TLE1: variants seen among roughly 807,000 people sequenced by gnomAD.
TLE1 encodes transducin-like enhancer protein 1.
TLE1 carries 21 observed loss-of-function variants against 89.8 expected under a neutral mutation model. The ratio of observed to expected loss-of-function variants is 0.23; its 90% CI spans 0.17 to 0.34. The LOEUF is 0.34. TLE1 is among the 10% of genes least tolerant of loss of function. The probability of loss-of-function intolerance (pLI) is 1.00; values close to 1 mark genes in which losing one functional copy is unlikely to be tolerated. For synonymous variants in TLE1, 447 were observed against 407.6 expected (o/e 1.10, Z -1.16); for missense variants, 795 against 1,031.2 (o/e 0.77, Z 3.14).
chr9:81,659,113 T>C (rs1337053307), intron 4 of TLE1, among the ~76,000 whole-genome samples: 1 of 152,098 alleles, frequency 6.6e-6, no homozygotes, highest in Non-Finnish European at 1.5e-5. Context: ...TTCACCATGT[T>C]GGCCAGGATG....
intron 11 of TLE1, among the ~76,000 whole-genome samples, chr9:81,614,926 G>T (rs557580836): frequency 6.6e-6 from 1 of 151,310 alleles, no homozygotes; most frequent in Non-Finnish European, 1.5e-5. Flanking sequence ...CAGGTGCGGT[G>T]GCTCACACCT....
chr9:81,645,224 T>G (rs1480843870), intron 6 of TLE1, among the ~76,000 whole-genome samples: 1 of 150,620 alleles, frequency 6.6e-6, no homozygotes, highest in East Asian at 2.0e-4. Context: ...CCAGGCATGG[T>G]GGCGCATGTC....
chr9:81,686,687 G>A (rs1001469809), intron 2 of TLE1, among the ~76,000 whole-genome samples: 3 of 152,180 alleles, frequency 2.0e-5, no homozygotes, highest in Non-Finnish European at 2.9e-5. Flanking sequence ...TATTGGCAAA[G>A]TATTTTACAA....
chr9:81,669,553 C>A (rs1440819592), intron 4 of TLE1, among the ~76,000 whole-genome samples: 1 of 152,130 alleles, frequency 6.6e-6, no homozygotes, highest in Non-Finnish European at 1.5e-5. Flanking sequence ...AGTGTAGGGG[C>A]ATGTGCCAAA....
At chr9:81,641,925 G>A (rs540210803) in intron 6 of TLE1, among the ~76,000 whole-genome samples, 79 of 152,310 alleles carry the variant, frequency 5.2e-4, no homozygotes, top group African/African-American at 1.7e-3. Context: ...AGGAGGTTGA[G>A]GCAGGAGAAT....
At chr9:81,651,468 AG>A (rs1829521735) in intron 6 of TLE1, among the ~76,000 whole-genome samples, 1 of 152,174 alleles carries the variant, frequency 6.6e-6, no homozygotes, top group Admixed American at 6.5e-5. Flanking sequence ...TCAAGAGAGG[AG>A]AGCAGAACCC....
Position 81,595,814 on chromosome 9 carries a change from CAAAA to C in TLE1, c.1332-2544_1332-2541del, listed in dbSNP as rs11301991. Among the ~76,000 whole-genome samples, 267 of 106,652 alleles carry C rather than the reference CAAAA, an allele frequency of 2.5e-3. 2 individuals are homozygous for C. Among genetic ancestry groups the C allele is most frequent in the African/African-American group, 9.1e-3 (252 of 27,690 alleles). 70.0% of individuals were successfully genotyped at this position (106,652 alleles called of 152,430 possible). On this transcript the variant is annotated intron_variant, in intron 14 of 19. Coordinates refer to ENST00000376499, the MANE Select transcript of TLE1 (RefSeq NM_005077.5). Reference sequence around the variant, plus strand: ...AGCCTGGGCGACAGAGACTCTGTCTCAAAAAAAAAAAAAAAAAAATTAAAAAATA... The same window carrying C: ...AGCCTGGGCGACAGAGACTCTGTCTCAAAAAAAAAAAAAAATTAAAAAATA...
intron 4 of TLE1, among the ~76,000 whole-genome samples, chr9:81,659,622 C>CT (rs763113408): frequency 4.1e-4 from 62 of 152,282 alleles, no homozygotes; most frequent in Middle Eastern, 6.8e-3. Context: ...AATTACCTGT[C>CT]TACAACAGTC....
chr9:81,603,481 G>A (rs962859637), intron 14 of TLE1, among the ~76,000 whole-genome samples: 1 of 152,094 alleles, frequency 6.6e-6, no homozygotes, highest in African/African-American at 2.4e-5. Context: ...TTTCCCACGA[G>A]AAAGGTGCCC....
intron 18 of TLE1, among the ~76,000 whole-genome samples, chr9:81,585,002 C>CCA (rs1828169947): frequency 3.3e-5 from 5 of 152,008 alleles, no homozygotes; most frequent in African/African-American, 7.3e-5. Flanking sequence ...ATCCATCCAT[C>CCA]TATGCATACT....
chr9:81,652,892 G>T (rs571583278), intron 5 of TLE1, among the ~76,000 whole-genome samples: 2 of 152,176 alleles, frequency 1.3e-5, no homozygotes, highest in African/African-American at 4.8e-5. Flanking sequence ...GTCATTTTCG[G>T]AAACTCCTGG....
intron 4 of TLE1, among the ~76,000 whole-genome samples, chr9:81,672,657 T>TCCCTC (rs1470052129): frequency 6.6e-6 from 1 of 152,072 alleles, no homozygotes; most frequent in East Asian, 1.9e-4. Flanking sequence ...GGTGTACATA[T>TCCCTC]CCCTCATCAA....
chr9:81,619,830 G>C (rs1305844560), intron 9 of TLE1, among the ~76,000 whole-genome samples: 2 of 152,174 alleles, frequency 1.3e-5, no homozygotes, highest in Non-Finnish European at 2.9e-5. Flanking sequence ...CCATCAACCA[G>C]TAGAGTGATC....
intron 4 of TLE1, among the ~76,000 whole-genome samples, chr9:81,658,013 G>A (rs551559103): frequency 7.8e-4 from 117 of 150,630 alleles, no homozygotes; most frequent in African/African-American, 2.5e-3. Context: ...GGGTTCTAAG[G>A]AACTCTCCTG....
At chr9:81,631,599 A>G (rs1298606474) in intron 8 of TLE1, among the ~76,000 whole-genome samples, 4 of 152,240 alleles carry the variant, frequency 2.6e-5, no homozygotes, top group East Asian at 3.8e-4. Flanking sequence ...AATGCCTTAC[A>G]TATATGGTAT....
chr9:81,663,610 G>A (rs937954236), intron 4 of TLE1, among the ~76,000 whole-genome samples: 4 of 150,062 alleles, frequency 2.7e-5, no homozygotes, highest in East Asian at 2.0e-4. Flanking sequence ...AGAGGTATCC[G>A]CACAGAATAG....
intron 6 of TLE1, among the ~76,000 whole-genome samples, chr9:81,638,946 C>T (rs1413096633): frequency 1.3e-5 from 2 of 151,394 alleles, no homozygotes; most frequent in Non-Finnish European, 2.9e-5. Context: ...TTTTTTGAAG[C>T]AAAGTCTCAC....
chr9:81,663,704 G>A (rs1277030172), intron 4 of TLE1, among the ~76,000 whole-genome samples: 3 of 149,474 alleles, frequency 2.0e-5, no homozygotes, highest in African/African-American at 7.4e-5. Context: ...CTCACTGCAA[G>A]CTCTGCCTCC....
At chr9:81,585,110 T>C (rs536582287) in intron 18 of TLE1, among the ~76,000 whole-genome samples, 44 of 152,248 alleles carry the variant, frequency 2.9e-4, no homozygotes, top group African/African-American at 1.0e-3. Context: ...TAACTAAGTG[T>C]CTGCGTATAC....
Sources: allele counts gnomAD v4.1 joint callset (sites outside exome capture counted in the v4.1 genomes callset), GRCh38; gene constraint gnomAD v4.1.1; transcripts MANE v1.5; gene names NCBI Gene and HGNC (gene_info 2026-07-23, HGNC 2026-07-21).